UNC5C: variants seen among roughly 807,000 people sequenced by gnomAD.
UNC5C encodes the protein unc-5 netrin receptor C, also known as netrin receptor UNC5C.
A neutral mutation model predicts 99.8 loss-of-function variants in UNC5C; 47 were observed. The observed-to-expected ratio is 0.47, with a 90% confidence interval of 0.37 to 0.60. UNC5C has a LOEUF of 0.60. Ranked by LOEUF, UNC5C falls within the 20% of genes least tolerant of loss-of-function variation. The pLI, the probability that UNC5C is intolerant of heterozygous loss-of-function variation, is 0.00. For synonymous variants in UNC5C, 487 were observed against 452.2 expected (o/e 1.08, Z -0.98); for missense variants, 1,062 against 1,165.9 (o/e 0.91, Z 1.30).
At chr4:95,259,944 A>G (rs1379386861) in intron 4 of UNC5C, among the ~76,000 whole-genome samples, 1 of 152,014 alleles carries the variant, frequency 6.6e-6, no homozygotes. Flanking sequence ...TTTTAATGAC[A>G]TCAGTCTCTC....
In UNC5C at chr4:95,165,060, TC is replaced by T. The variant is rs1167295638; in HGVS notation, c.*4173del. 6.6e-6 allele frequency: 1 copy of T among 152,216 alleles called. No homozygotes were observed. Among genetic ancestry groups the T allele is most frequent in the Non-Finnish European group, 1.5e-5 (1 of 68,042 alleles). The allele number at this position is 152,216 out of a possible 1,614,324, so 9.4% of individuals were successfully genotyped here. A position where few individuals can be genotyped will look rare whatever the true frequency, so the allele number is the denominator to read the frequency against. On this transcript the variant is annotated 3_prime_UTR_variant, in exon 16 of 16. Coordinates refer to ENST00000453304, the MANE Select transcript of UNC5C (RefSeq NM_003728.4). The stretch of plus-strand genomic sequence containing the variant: ...CAGACCAAGAGCACAGCTGCTGTGA[TC>T]CTGACAGAGACACACAGAAGGACAC...
chr4:95,462,338 C>G (rs1747628912), intron 1 of UNC5C, among the ~76,000 whole-genome samples: 1 of 152,140 alleles, frequency 6.6e-6, no homozygotes, highest in African/African-American at 2.4e-5. Context: ...GGAATTTATA[C>G]TAACAAATTC....
At chr4:95,228,565 T>C (rs1162180718) in intron 7 of UNC5C, among the ~76,000 whole-genome samples, 2 of 152,194 alleles carry the variant, frequency 1.3e-5, no homozygotes, top group Non-Finnish European at 1.5e-5. Flanking sequence ...GGGATTTGTC[T>C]AACATTATAA....
intron 1 of UNC5C, among the ~76,000 whole-genome samples, chr4:95,358,573 A>T (rs2626074): frequency 6.6e-6 from 1 of 151,926 alleles, no homozygotes; most frequent in African/African-American, 2.4e-5. Flanking sequence ...AATTATTAAA[A>T]CTTCAAGTGG....
chr4:95,542,894 GAAAAT>G (rs1722952507), intron 1 of UNC5C, among the ~76,000 whole-genome samples: 1 of 151,850 alleles, frequency 6.6e-6, no homozygotes, highest in African/African-American at 2.4e-5. Context: ...CTGTAAGTTT[GAAAAT>G]AACAAATATT....
At chr4:95,298,610 T>A (rs532156694) in intron 3 of UNC5C, among the ~76,000 whole-genome samples, 2 of 152,168 alleles carry the variant, frequency 1.3e-5, no homozygotes, top group South Asian at 4.1e-4. Context: ...TCCTGACCAC[T>A]CCCTCCCAGC....
chr4:95,266,285 G>T (rs577443770), intron 4 of UNC5C, among the ~76,000 whole-genome samples: 88 of 152,256 alleles, frequency 5.8e-4, no homozygotes, highest in African/African-American at 2.1e-3. Context: ...TCTACATGGG[G>T]ACCAATTCCA....
chr4:95,461,268 A>G (rs1000013222), intron 1 of UNC5C, among the ~76,000 whole-genome samples: 3 of 152,216 alleles, frequency 2.0e-5, no homozygotes, highest in African/African-American at 7.2e-5. Flanking sequence ...GATTCTTCCC[A>G]TGAAGTTAAG....
At chr4:95,319,223 C>T (rs1375014714) in intron 2 of UNC5C, among the ~76,000 whole-genome samples, 1 of 152,170 alleles carries the variant, frequency 6.6e-6, no homozygotes, top group Non-Finnish European at 1.5e-5. Context: ...AAGCTATGGC[C>T]TGTTCCCAAT....
intron 1 of UNC5C, among the ~76,000 whole-genome samples, chr4:95,345,329 A>C (rs1273587043): frequency 6.6e-6 from 1 of 152,040 alleles, no homozygotes; most frequent in Non-Finnish European, 1.5e-5. Flanking sequence ...ATATTCATCC[A>C]ACACTGGAGC....
At chr4:95,534,192 T>C (rs1722719839) in intron 1 of UNC5C, among the ~76,000 whole-genome samples, 1 of 152,106 alleles carries the variant, frequency 6.6e-6, no homozygotes, top group Non-Finnish European at 1.5e-5. Flanking sequence ...AGTGAATCAG[T>C]TTTATAGACC....
intron 2 of UNC5C, among the ~76,000 whole-genome samples, chr4:95,303,502 C>T (rs1033236152): frequency 2.6e-5 from 4 of 152,072 alleles, no homozygotes; most frequent in Non-Finnish European, 2.9e-5. Context: ...ATGGTGAAAC[C>T]CTATCTCTAC....
At chr4:95,528,405 A>C (rs535642884) in intron 1 of UNC5C, among the ~76,000 whole-genome samples, 44 of 152,288 alleles carry the variant, frequency 2.9e-4, no homozygotes, top group African/African-American at 1.1e-3. Context: ...AAGGAGAAAT[A>C]TCTAACGTTG....
At chr4:95,275,804 A>G (rs1740838755) in intron 4 of UNC5C, among the ~76,000 whole-genome samples, 1 of 152,236 alleles carries the variant, frequency 6.6e-6, no homozygotes, top group African/African-American at 2.4e-5. Context: ...ACAAAGATCA[A>G]TTGAAACAAT....
chr4:95,309,728 A>G (rs779852393), intron 2 of UNC5C, among the ~76,000 whole-genome samples: 47 of 152,182 alleles, frequency 3.1e-4, no homozygotes, highest in Admixed American at 1.4e-3. Flanking sequence ...ACAATGAGAT[A>G]TCACCTCACA....
chr4:95,405,029 A>G (rs1745797540), intron 1 of UNC5C, among the ~76,000 whole-genome samples: 2 of 152,114 alleles, frequency 1.3e-5, no homozygotes, highest in Non-Finnish European at 2.9e-5. Context: ...ATCTACCTCC[A>G]CTGCTCAATA....
At chr4:95,444,496 T>A (rs1747039041) in intron 1 of UNC5C, among the ~76,000 whole-genome samples, 1 of 152,154 alleles carries the variant, frequency 6.6e-6, no homozygotes, top group Admixed American at 6.5e-5. Context: ...CTTGCCTGGC[T>A]AATTTTTTGT....
intron 1 of UNC5C, among the ~76,000 whole-genome samples, chr4:95,357,434 C>T (rs925420120): frequency 2.0e-5 from 3 of 151,878 alleles, no homozygotes; most frequent in African/African-American, 4.8e-5. Context: ...TTGCACCTGG[C>T]CTTGCATTTT....
chr4:95,178,899 T>C (rs1028449101), intron 14 of UNC5C, among the ~76,000 whole-genome samples: 1 of 152,264 alleles, frequency 6.6e-6, no homozygotes, highest in African/African-American at 2.4e-5. Flanking sequence ...CTTTGTTTCT[T>C]TCTCTTATCA....
Sources: gnomAD v4.1 joint callset for allele counts (sites outside exome capture counted in the v4.1 genomes callset) on GRCh38, gnomAD v4.1.1 for gene constraint, MANE v1.5 for transcripts, NCBI Gene and HGNC (gene_info 2026-07-23, HGNC 2026-07-21) for gene names.